PLEKHA5: variants seen among roughly 807,000 people sequenced by gnomAD.
The protein encoded by PLEKHA5 is pleckstrin homology domain-containing family A member 5.
A neutral mutation model predicts 181.9 loss-of-function variants in PLEKHA5; 55 were observed. The observed-to-expected ratio is 0.30, with a 90% CI of 0.24 to 0.38. The LOEUF is 0.38. Ranked by LOEUF, PLEKHA5 falls within the 10% of genes least tolerant of loss-of-function variation. PLEKHA5 has a pLI of 1.00. For missense variants in PLEKHA5, 1,432 were observed against 1,549.5 expected (o/e 0.92, Z 1.27); for synonymous variants, 535 against 529.4 (o/e 1.01, Z -0.15).
Position 19,241,802 on chromosome 12 carries a change from AC to A in PLEKHA5, c.228-12137del, listed in dbSNP as rs2062666005. 2.0e-5 allele frequency among the ~76,000 whole-genome samples: 3 copies of A among 152,032 alleles called. No individual in the cohort carries two copies. In the South Asian group the frequency reaches 6.2e-4, roughly 31 times the overall value. On this transcript the variant is annotated intron_variant, in intron 3 of 31. Transcript: ENST00000429027. ...AGAAAAATAAATTGTAAAGATAAATACATACAATTTTTTTTTTAAAAAGAGT... is the reference window on the plus strand; with the variant it reads ...AGAAAAATAAATTGTAAAGATAAATAATACAATTTTTTTTTTAAAAAGAGT...
intron 15 of PLEKHA5, among the ~76,000 whole-genome samples, chr12:19,292,814 C>T (rs898363547): frequency 8.5e-5 from 13 of 152,094 alleles, no homozygotes; most frequent in African/African-American, 3.1e-4. Flanking sequence ...TGGTGTGCAC[C>T]TGTAATCCCT....
At chr12:19,147,503 G>A (rs1260534120) in intron 3 of PLEKHA5, among the ~76,000 whole-genome samples, 1 of 152,128 alleles carries the variant, frequency 6.6e-6, no homozygotes, top group East Asian at 1.9e-4. Flanking sequence ...AAGGCAGTAT[G>A]TGGTATAGGA....
intron 2 of PLEKHA5, 43 bp from the exon 3 acceptor site, chr12:19,132,350 T>C (rs1591757181): frequency 1.1e-6 from 1 of 912,404 alleles, no homozygotes; most frequent in Non-Finnish European, 1.8e-6. Flanking sequence ...CTTATTTTGC[T>C]ATCATTGAAG....
At chr12:19,197,707 TGTGTG>T (rs2053206587) in intron 3 of PLEKHA5, among the ~76,000 whole-genome samples, 1 of 149,316 alleles carries the variant, frequency 6.7e-6, no homozygotes, top group Non-Finnish European at 1.5e-5. Flanking sequence ...TGTGTGTGTG[TGTGTG>T]TGTGTGTGTG....
chr12:19,366,027 G>A lies in PLEKHA5; in HGVS notation c.3672G>A (p.Lys1224=). The A allele has an allele frequency of 6.2e-7, 1 of 1,611,492 alleles. No homozygotes were observed. The highest frequency in any genetic ancestry group is 8.5e-7 in the Non-Finnish European group (1 of 1,178,200). The change falls in exon 30 of 32, where the codon AAG becomes AAA. Residue 1224 remains lysine, a synonymous_variant. Transcript: ENST00000429027. The part of the protein sequence containing the change: ...KPEEHPEENT[K]NSVDEQEETV... Reference sequence around the variant, plus strand: ...AAGAGCATCCTGAAGAAAATACAAAGAACAGTGTTGACGAACAGGAAGAAA... The same window carrying A: ...AAGAGCATCCTGAAGAAAATACAAAAAACAGTGTTGACGAACAGGAAGAAA...
In PLEKHA5 at chr12:19,209,094, T is replaced by G. The variant is rs925269814; in HGVS notation, c.228-44846T>G. ...CTGTATGAATGTGTTATAGCAAGTC[T>G]GAACAGGACCTAGTTTGAGGCACTA... is the stretch of plus-strand genomic sequence containing the variant. On this transcript the variant is annotated intron_variant, in intron 3 of 31. Transcript: ENST00000429027. 1.2e-4 allele frequency among the ~76,000 whole-genome samples: 18 copies of G among 152,282 alleles called. 1 individual carries two copies. In the South Asian group the frequency reaches 3.7e-3, roughly 32 times the overall value.
chr12:19,138,695 A>G (rs1017140946), intron 3 of PLEKHA5, among the ~76,000 whole-genome samples: 1 of 152,074 alleles, frequency 6.6e-6, no homozygotes. Context: ...GCCTGAGGGT[A>G]TAGATGGGAT....
At chr12:19,223,479 C>G (rs2059275572) in intron 3 of PLEKHA5, among the ~76,000 whole-genome samples, 1 of 152,062 alleles carries the variant, frequency 6.6e-6, no homozygotes, top group Non-Finnish European at 1.5e-5. Flanking sequence ...GACTTTCAAT[C>G]CACAGCCATA....
chr12:19,254,756 G>C (rs897063558), intron 4 of PLEKHA5, among the ~76,000 whole-genome samples: 1 of 152,226 alleles, frequency 6.6e-6, no homozygotes, highest in Non-Finnish European at 1.5e-5. Context: ...CTGGGAGGCA[G>C]ATTCTACAGT....
intron 3 of PLEKHA5, among the ~76,000 whole-genome samples, chr12:19,168,225 A>G (rs1265951914): frequency 2.6e-5 from 4 of 152,066 alleles, no homozygotes; most frequent in African/African-American, 9.7e-5. Flanking sequence ...TCTGGCTGCC[A>G]TTTTGCTGTA....
chr12:19,187,506 C>T (rs1482468237), intron 3 of PLEKHA5, among the ~76,000 whole-genome samples: 1 of 152,102 alleles, frequency 6.6e-6, no homozygotes, highest in Non-Finnish European at 1.5e-5. Flanking sequence ...TAGCAGGTGG[C>T]TTCAGTTCGT....
rs559912248 is a variant in PLEKHA5 at position 19,200,433 on chromosome 12, T to C, written c.228-53507T>C. On this transcript the variant is annotated intron_variant, in intron 3 of 31. Coordinates refer to ENST00000429027, the MANE Select transcript of PLEKHA5 (RefSeq NM_001256470.2). ...TTCACTTCTTGGTGACTAATACTAG[T>C]TGACAAAACAGCATATTCTAAACTG... 6.5e-4 allele frequency: 962 copies of C among 1,488,864 alleles called. 2 individuals are homozygous for C. The highest frequency in any genetic ancestry group is 6.6e-4 in the Non-Finnish European group (749 of 1,127,322). The allele number at this position is 1,488,864 out of a possible 1,614,324, so 92.2% of individuals were successfully genotyped here. A position where few individuals can be genotyped will look rare whatever the true frequency, so the allele number is the denominator to read the frequency against.
rs370533000 is a variant in PLEKHA5 at position 19,132,345 on chromosome 12, T to C, written c.170-48T>C. ...ATAATTAAAATGGATTGAGACTTAT[T>C]TTGCTATCATTGAAGTAATACTAAT... On this transcript the variant is annotated intron_variant, in intron 2 of 31. Coordinates refer to ENST00000429027, the MANE Select transcript of PLEKHA5 (RefSeq NM_001256470.2). 12 of 887,190 alleles carry C rather than the reference T, an allele frequency of 1.4e-5. No individual in the cohort carries two copies. In the African/African-American group the frequency reaches 2.1e-4, roughly 15 times the overall value. 55.0% of individuals were successfully genotyped at this position (887,190 alleles called of 1,614,324 possible). A position where few individuals can be genotyped will look rare whatever the true frequency, so the allele number is the denominator to read the frequency against.
Position 19,283,593 on chromosome 12 carries a change from A to C in PLEKHA5, c.1627A>C (p.Thr543Pro), listed in dbSNP as rs781418955. 34 of 1,614,062 alleles carry C rather than the reference A, an allele frequency of 2.1e-5. No individual in the cohort carries two copies. Among genetic ancestry groups the C allele is most frequent in the Non-Finnish European group, 2.9e-5 (34 of 1,180,034 alleles). Residue 543 changes from threonine to proline, a missense_variant, in exon 12 of 32, where the codon ACA (threonine) becomes CCA (proline). By Grantham distance (38) the Thr-to-Pro change is conservative. This residue lies in a region of PLEKHA5 where 1,143 missense variants were observed against 1,168.4 expected (regional missense o/e 0.98). Coordinates refer to ENST00000429027, the MANE Select transcript of PLEKHA5 (RefSeq NM_001256470.2). Reference sequence around the variant, plus strand: ...AACCATGGTAAATATTTCTGACCAGACAATGCACTCTATTCCCACATCACC... The same window carrying C: ...AACCATGGTAAATATTTCTGACCAGCCAATGCACTCTATTCCCACATCACC... ...PKTMVNISDQ[T>P]MHSIPTSPSH...
chr12:19,245,740 A>C (rs950612531), intron 3 of PLEKHA5, among the ~76,000 whole-genome samples: 12 of 150,712 alleles, frequency 8.0e-5, no homozygotes, highest in African/African-American at 2.2e-4. Flanking sequence ...AAAAAAAAAA[A>C]AAAAAAAAAA....
intron 3 of PLEKHA5, among the ~76,000 whole-genome samples, chr12:19,239,515 C>T (rs552594331): frequency 1.3e-5 from 2 of 152,152 alleles, no homozygotes; most frequent in African/African-American, 2.4e-5. Flanking sequence ...TAAACTGAAC[C>T]TAAATTAGGT....
intron 31 of PLEKHA5, among the ~76,000 whole-genome samples, chr12:19,375,189 T>G (rs575264797): frequency 5.5e-4 from 83 of 151,726 alleles, no homozygotes; most frequent in African/African-American, 2.0e-3. Context: ...CCAGGCATGG[T>G]GATATGTGCC....
chr12:19,305,061 A>T (rs2082804571), intron 15 of PLEKHA5, among the ~76,000 whole-genome samples: 2 of 152,188 alleles, frequency 1.3e-5, no homozygotes, highest in African/African-American at 4.8e-5. Context: ...TTTGTACAGC[A>T]CCTTGAAACA....
At position 19,352,457 on chromosome 12, in the gene PLEKHA5, A is replaced by G. The variant is rs1482337103; in HGVS notation, c.3020-1427A>G. On this transcript the variant is annotated intron_variant, in intron 25 of 31. Transcript: ENST00000429027. ...ATAGTTAGCTATTGTTAACATTGTT[A>G]GTGGACACTTTGAGGCAATATTGTA... 2.6e-5 allele frequency among the ~76,000 whole-genome samples: 4 copies of G among 152,038 alleles called. No individual in the cohort carries two copies. In the East Asian group the frequency reaches 7.7e-4, roughly 29 times the overall value.
Sources: allele counts gnomAD v4.1 joint callset (sites outside exome capture counted in the v4.1 genomes callset), GRCh38; gene constraint gnomAD v4.1.1; regional missense constraint gnomAD v4.1.1; transcripts MANE v1.5; gene names NCBI Gene and HGNC (gene_info 2026-07-23, HGNC 2026-07-21).